ELMOD2: variants seen among roughly 807,000 people sequenced by gnomAD.
ELMOD2 encodes the protein ELMO domain-containing protein 2.
A neutral mutation model predicts 41.0 loss-of-function variants in ELMOD2; 28 were observed. The ratio of observed to expected loss-of-function variants is 0.68; its 90% CI spans 0.51 to 0.94. The LOEUF (loss-of-function observed/expected upper bound fraction) is 0.94. ELMOD2 is among the 40% of genes least tolerant of loss of function. The pLI, the probability that ELMOD2 is intolerant of heterozygous loss-of-function variation, is 0.00. For synonymous variants in ELMOD2, 106 were observed against 107.2 expected, an observed-to-expected ratio of 0.99 and a Z score of 0.07; for missense variants, 333 against 343.1, an observed-to-expected ratio of 0.97 and a Z score of 0.23.
chr4:140,537,276 A>C lies in ELMOD2; in HGVS notation c.270-136A>C. 4.6e-6 allele frequency: 3 copies of C among 647,478 alleles called. No homozygotes were observed. In the South Asian group the frequency reaches 8.6e-5, roughly 19 times the overall value. 40.1% of individuals were successfully genotyped at this position (647,478 alleles called of 1,614,324 possible). On this transcript the variant is annotated intron_variant, in intron 4 of 8. Coordinates refer to ENST00000323570, the MANE Select transcript of ELMOD2 (RefSeq NM_153702.4). Reference sequence around the variant, plus strand: ...TACTTTACATAATGTTTTGTATTTAAGGTGGCCTTTGGTGGGTCTTATATT... The same window carrying C: ...TACTTTACATAATGTTTTGTATTTACGGTGGCCTTTGGTGGGTCTTATATT...
intron 8 of ELMOD2, among the ~76,000 whole-genome samples, chr4:140,548,185 A>G (rs1282122678): frequency 4.6e-5 from 7 of 152,194 alleles, no homozygotes; most frequent in African/African-American, 1.4e-4. Flanking sequence ...AAAGCAATTT[A>G]AAGGACATAA....
chr4:140,553,392 C>G lies in ELMOD2; in HGVS notation c.*3017C>G, dbSNP rs1735520882. 1 of 152,086 alleles carries G rather than the reference C, an allele frequency of 6.6e-6. No individual in the cohort carries two copies. Among genetic ancestry groups the G allele is most frequent in the Admixed American group, 6.6e-5 (1 of 15,246 alleles). 9.4% of individuals were successfully genotyped at this position (152,086 alleles called of 1,614,324 possible). A position where few individuals can be genotyped will look rare whatever the true frequency, so the allele number is the denominator to read the frequency against. On this transcript the variant is annotated 3_prime_UTR_variant, in exon 9 of 9. Coordinates refer to ENST00000323570, the MANE Select transcript of ELMOD2 (RefSeq NM_153702.4). ...CTATGAACAGGTGTGGGGAGGCTTA[C>G]TTTCCATTTTCATATTTATACACCT...
chr4:140,537,566 G>A (rs756008600), intron 5 of ELMOD2, 25 bp downstream of exon 5: 1 of 1,595,962 alleles, frequency 6.3e-7, no homozygotes, highest in Non-Finnish European at 8.5e-7. Flanking sequence ...TCTTTATGTG[G>A]AGTTGTTGAA....
At chr4:140,525,955 T>A (rs1734549865) in intron 2 of ELMOD2, among the ~76,000 whole-genome samples, 1 of 152,232 alleles carries the variant, frequency 6.6e-6, no homozygotes, top group African/African-American at 2.4e-5. Context: ...ATCAGTCTTT[T>A]ACTTTCTTAC....
At chr4:140,540,719 G>T (rs1735078771) in intron 6 of ELMOD2, among the ~76,000 whole-genome samples, 1 of 149,344 alleles carries the variant, frequency 6.7e-6, no homozygotes, top group Non-Finnish European at 1.5e-5. Flanking sequence ...CTCCAGCCTG[G>T]GTGACAGAGC....
At chr4:140,528,291 A>G (rs1000210654) in intron 3 of ELMOD2, among the ~76,000 whole-genome samples, 6 of 152,186 alleles carry the variant, frequency 3.9e-5, no homozygotes, top group Non-Finnish European at 7.4e-5. Flanking sequence ...TGGGACCAAT[A>G]ATTCAGTCTA....
intron 3 of ELMOD2, among the ~76,000 whole-genome samples, chr4:140,529,969 T>C (rs1178179494): frequency 2.0e-5 from 3 of 152,232 alleles, no homozygotes; most frequent in Non-Finnish European, 4.4e-5. Context: ...CTGATGTTTT[T>C]CTAGTACCTG....
chr4:140,527,366 G>A (rs1734600925), intron 2 of ELMOD2, 100 bp from the exon 3 acceptor site: 1 of 912,758 alleles, frequency 1.1e-6, no homozygotes, highest in Non-Finnish European at 1.7e-6. Flanking sequence ...GGAACTATTA[G>A]TTTGTTACTG....
chr4:140,540,663 C>T (rs1057089497), intron 6 of ELMOD2, among the ~76,000 whole-genome samples: 1 of 151,626 alleles, frequency 6.6e-6, no homozygotes, highest in African/African-American at 2.4e-5. Context: ...AGAAGGATTG[C>T]CTGAGCCCAG....
Position 140,550,275 on chromosome 4 carries a change from C to G in ELMOD2, c.782C>G (p.Pro261Arg), listed in dbSNP as rs758963209. The change falls in exon 9 of 9, where the codon CCA becomes CGA. Residue 261 changes from proline (P) to arginine (R), a missense_variant. Pro to Arg is a moderately radical substitution (Grantham distance 103, BLOSUM62 -2). Transcript: ENST00000323570. ...EFDKFWFEEE[P>R]ESIMYFNLYR... ...GACAAGTTTTGGTTTGAAGAAGAAC[C>G]AGAAAGCATTATGTATTTCAATTTG... 1 of 1,610,982 alleles carries G rather than the reference C, an allele frequency of 6.2e-7. No homozygotes were observed. Among genetic ancestry groups the G allele is most frequent in the South Asian group, 1.1e-5 (1 of 90,694 alleles).
rs1291203100 is a variant in ELMOD2, at chr4:140,525,705, G to A, written c.142+135G>A. On this transcript the variant is annotated intron_variant, in intron 2 of 8. Transcript: ENST00000323570. ...TGAATTTCATAAGCTCTGAAGTCCC[G>A]CTTTGACTCCTTCAGCTCTAAAATT... is the stretch of plus-strand genomic sequence containing the variant. 5 of 883,644 alleles carry A rather than the reference G, an allele frequency of 5.7e-6. No homozygotes were observed. In the East Asian group the frequency reaches 9.5e-5, roughly 17 times the overall value. 54.7% of individuals were successfully genotyped at this position (883,644 alleles called of 1,614,324 possible). A position where few individuals can be genotyped will look rare whatever the true frequency, so the allele number is the denominator to read the frequency against.
intron 8 of ELMOD2, among the ~76,000 whole-genome samples, chr4:140,547,385 C>T (rs543093207): frequency 2.6e-5 from 4 of 152,198 alleles, no homozygotes; most frequent in South Asian, 2.1e-4. Context: ...AGCAGCTATC[C>T]GCCATGATTC....
intron 8 of ELMOD2, among the ~76,000 whole-genome samples, chr4:140,547,879 C>T (rs1735342517): frequency 6.6e-6 from 1 of 152,278 alleles, no homozygotes; most frequent in South Asian, 2.1e-4. Flanking sequence ...ATATGTGCAT[C>T]ATGGAAAACA....
intron 3 of ELMOD2, among the ~76,000 whole-genome samples, chr4:140,529,402 G>C (rs1560823927): frequency 6.6e-6 from 1 of 152,182 alleles, no homozygotes; most frequent in South Asian, 2.1e-4. Context: ...CCTCGACATT[G>C]TAAAGAGAGT....
At position 140,535,813 on chromosome 4, in the gene ELMOD2, C is replaced by A. The variant is rs150102347; in HGVS notation, c.252C>A (p.Asn84Lys). ...ATATTATGAAGGAAAAGAATATTAA[C>A]CCTGAGAAGGATGCCAGGTGTGCGT... ...VDDIMKEKNI[N>K]PEKDASFKIC... is the part of the protein sequence containing the mutation. Residue 84 changes from asparagine (N) to lysine (K), a missense_variant, in exon 4 of 9, where the codon AAC becomes AAA. Transcript: ENST00000323570. 160 of 1,606,276 alleles carry A rather than the reference C, an allele frequency of 1.0e-4. No homozygotes were observed. Among genetic ancestry groups the A allele is most frequent in the Non-Finnish European group, 1.3e-4 (159 of 1,178,100 alleles).
chr4:140,549,225 A>T (rs575961127), intron 8 of ELMOD2, among the ~76,000 whole-genome samples: 10 of 152,278 alleles, frequency 6.6e-5, no homozygotes, highest in African/African-American at 2.4e-4. Flanking sequence ...GTTATTTTTT[A>T]AAAATTGACA....
rs767196649 is a variant in ELMOD2, at chr4:140,543,547, C to T, written c.697C>T (p.Pro233Ser). The T allele has an allele frequency of 1.2e-6, 2 of 1,603,606 alleles. No homozygotes were observed. Among genetic ancestry groups the T allele is most frequent in the South Asian group, 2.3e-5 (2 of 88,676 alleles). Residue 233 changes from proline (P) to serine (S), a missense_variant, in exon 8 of 9, where the codon CCT becomes TCT. Physicochemically the swap from Pro to Ser is moderately conservative, Grantham distance 74 (BLOSUM62 -1). Transcript: ENST00000323570. ...GAAGTTTCATCTCTATAACCTTGTT[C>T]CTGGTATACCAACAATGGAACACTT... is the stretch of plus-strand genomic sequence containing the variant. ...ALKFHLYNLV[P>S]GIPTMEHFHQ...
At chr4:140,533,818 GTATA>G (rs1200618513) in intron 3 of ELMOD2, among the ~76,000 whole-genome samples, 3 of 151,982 alleles carry the variant, frequency 2.0e-5, no homozygotes, top group Non-Finnish European at 2.9e-5. Context: ...TGACAAAAGT[GTATA>G]TATACGTGTG....
At chr4:140,536,762 G>C (rs555340439) in intron 4 of ELMOD2, among the ~76,000 whole-genome samples, 38 of 152,206 alleles carry the variant, frequency 2.5e-4, no homozygotes, top group African/African-American at 8.7e-4. Flanking sequence ...GTGGGAGGCT[G>C]GCAGAAGGAA....
Sources: allele counts gnomAD v4.1 joint callset (sites outside exome capture counted in the v4.1 genomes callset), GRCh38; gene constraint gnomAD v4.1.1; transcripts MANE v1.5; gene names NCBI Gene and HGNC (gene_info 2026-07-23, HGNC 2026-07-21).